RBFOX1: variants seen among roughly 807,000 people sequenced by gnomAD.
RBFOX1 encodes RNA binding protein fox-1 homolog 1.
Under a neutral mutation model 57.7 loss-of-function variants are expected in RBFOX1, and 8 were observed. That is an observed-to-expected ratio of 0.14 (90% confidence interval 0.08 to 0.25). The LOEUF is 0.25. Ranked by LOEUF, RBFOX1 falls within the 10% of genes least tolerant of loss-of-function variation. The pLI is 1.00. For missense variants in RBFOX1, 611 were observed against 548.5 expected, an observed-to-expected ratio of 1.11 and a Z score of -1.14; for synonymous variants, 326 against 222.4, an observed-to-expected ratio of 1.47 and a Z score of -4.15.
rs145823269 is a variant in RBFOX1, at chr16:5,756,889, G to A, written c.319-110414G>A. On this transcript the variant is annotated intron_variant, in intron 3 of 19. Coordinates refer to the RBFOX1 transcript ENST00000641259. Reference sequence around the variant, plus strand: ...AAACTGGGCTAAGCACGTTACATTTGTATAAAAAATATAAGGGTTCTACAA... The same window carrying A: ...AAACTGGGCTAAGCACGTTACATTTATATAAAAAATATAAGGGTTCTACAA... Among the ~76,000 whole-genome samples the A allele has an allele frequency of 7.1e-3, 1,078 of 152,232 alleles. 14 individuals are homozygous for A. Among genetic ancestry groups the A allele is most frequent in the African/African-American group, 0.025 (1,018 of 41,530 alleles).
intron 2 of RBFOX1, among the ~76,000 whole-genome samples, chr16:6,627,560 G>T (rs183705374): frequency 6.6e-6 from 1 of 152,158 alleles, no homozygotes; most frequent in Non-Finnish European, 1.5e-5. Flanking sequence ...GGAGGAAGCA[G>T]GAAGGATGAG....
intron 3 of RBFOX1, among the ~76,000 whole-genome samples, chr16:5,636,771 C>T (rs975396133): frequency 5.3e-5 from 8 of 152,174 alleles, no homozygotes; most frequent in Non-Finnish European, 1.2e-4. Context: ...GCTATTCTTG[C>T]TTGTTTTTAT....
Position 5,999,867 on chromosome 16 carries a change from CAAAAAAAAAAAAAAAAAAA to C in RBFOX1, c.351+132554_351+132572del, listed in dbSNP as rs869221577. Among the ~76,000 whole-genome samples the C allele has an allele frequency of 8.7e-4, 24 of 27,672 alleles. 2 individuals carry two copies. The East Asian group carries it at 0.018, about 21-fold the overall frequency. The allele number at this position is 27,672 out of a possible 152,430, so 18.2% of individuals were successfully genotyped here. On this transcript the variant is annotated intron_variant, in intron 4 of 19. Coordinates refer to the RBFOX1 transcript ENST00000641259. ...TGGGCGACAGAGCGAGACTCCACCT[CAAAAAAAAAAAAAAAAAAA>C]AAAAAAAAAAAAAAAAAAAAAGAGT...
intron 4 of RBFOX1, among the ~76,000 whole-genome samples, chr16:7,210,162 A>G (rs1022184380): frequency 5.9e-5 from 9 of 152,202 alleles, no homozygotes; most frequent in Admixed American, 1.3e-4. Context: ...GATGATGACA[A>G]TGATTTTATC....
intron 3 of RBFOX1, among the ~76,000 whole-genome samples, chr16:6,967,679 T>C (rs1321187853): frequency 6.6e-6 from 1 of 152,086 alleles, no homozygotes; most frequent in Admixed American, 6.6e-5. Context: ...TCTAAGGGCC[T>C]GGTTCAAGAC....
At chr16:7,697,610 T>G (rs1181466728) in intron 14 of RBFOX1, among the ~76,000 whole-genome samples, 1 of 152,140 alleles carries the variant, frequency 6.6e-6, no homozygotes, top group African/African-American at 2.4e-5. Flanking sequence ...TTATCCCCAT[T>G]TTGGAAAGTG....
At chr16:5,948,892 C>T (rs149678337) in intron 4 of RBFOX1, among the ~76,000 whole-genome samples, 2 of 152,206 alleles carry the variant, frequency 1.3e-5, no homozygotes, top group African/African-American at 2.4e-5. Flanking sequence ...ATTTTATTCA[C>T]TCACCCAACA....
intron 3 of RBFOX1, among the ~76,000 whole-genome samples, chr16:6,896,520 G>A (rs994235471): frequency 6.6e-6 from 1 of 152,122 alleles, no homozygotes; most frequent in Non-Finnish European, 1.5e-5. Context: ...AATATATGAT[G>A]TCTGTTTTTC....
At chr16:7,585,221 C>A (rs970506975) in intron 6 of RBFOX1, among the ~76,000 whole-genome samples, 6 of 152,154 alleles carry the variant, frequency 3.9e-5, no homozygotes, top group Non-Finnish European at 7.3e-5. Flanking sequence ...CTGGAGGTTT[C>A]TTTACTATGA....
At chr16:6,548,261 TC>T (rs1444826943) in intron 2 of RBFOX1, among the ~76,000 whole-genome samples, 2 of 152,190 alleles carry the variant, frequency 1.3e-5, no homozygotes, top group African/African-American at 2.4e-5. Flanking sequence ...TCAGCAACTG[TC>T]AAAAAAGCTA....
At chr16:6,517,455 G>C (rs2096402718) in intron 2 of RBFOX1, among the ~76,000 whole-genome samples, 1 of 152,154 alleles carries the variant, frequency 6.6e-6, no homozygotes, top group Non-Finnish European at 1.5e-5. Context: ...GAGAAACAGA[G>C]AATTCCCATT....
chr16:5,472,581 C>G (rs571102102), intron 2 of RBFOX1, among the ~76,000 whole-genome samples: 2 of 152,116 alleles, frequency 1.3e-5, no homozygotes, highest in African/African-American at 4.8e-5. Context: ...ATCTTCTTCT[C>G]GTCTTCCAGG....
chr16:7,685,918 G>C (rs894751237), intron 14 of RBFOX1, among the ~76,000 whole-genome samples: 1 of 152,016 alleles, frequency 6.6e-6, no homozygotes, highest in Non-Finnish European at 1.5e-5. Context: ...TAGGATTACA[G>C]ATTGAGATTT....
intron 2 of RBFOX1, among the ~76,000 whole-genome samples, chr16:6,343,300 G>A (rs1307486983): frequency 5.3e-5 from 8 of 151,986 alleles, no homozygotes; most frequent in Non-Finnish European, 1.2e-4. Context: ...CTACCCTGGT[G>A]GTATTTCATT....
chr16:7,173,692 T>C (rs1474569157), intron 4 of RBFOX1, among the ~76,000 whole-genome samples: 1 of 152,162 alleles, frequency 6.6e-6, no homozygotes, highest in Non-Finnish European at 1.5e-5. Flanking sequence ...TGGAAACACA[T>C]TTAGGATGTT....
At chr16:7,472,067 C>T (rs2061659158) in intron 4 of RBFOX1, among the ~76,000 whole-genome samples, 1 of 152,160 alleles carries the variant, frequency 6.6e-6, no homozygotes, top group Admixed American at 6.5e-5. Context: ...CTATGCCTGG[C>T]ATCTCTCCTT....
At chr16:7,160,564 G>C (rs1455370651) in intron 4 of RBFOX1, among the ~76,000 whole-genome samples, 1 of 152,072 alleles carries the variant, frequency 6.6e-6, no homozygotes, top group Admixed American at 6.6e-5. Flanking sequence ...ATTCAATGAA[G>C]ATTACCTGCA....
intron 3 of RBFOX1, among the ~76,000 whole-genome samples, chr16:6,674,672 A>T (rs947428825): frequency 2.6e-5 from 4 of 152,128 alleles, no homozygotes; most frequent in African/African-American, 7.2e-5. Context: ...ATGTAGACTC[A>T]CGGGGAAGAA....
chr16:7,461,831 G>C (rs1790194969), intron 4 of RBFOX1, among the ~76,000 whole-genome samples: 1 of 152,110 alleles, frequency 6.6e-6, no homozygotes, highest in African/African-American at 2.4e-5. Context: ...GCGACTTCTG[G>C]GATGTGAGGG....
Sources: allele counts gnomAD v4.1 joint callset (sites outside exome capture counted in the v4.1 genomes callset), GRCh38; gene constraint gnomAD v4.1.1; transcripts MANE v1.5; gene names NCBI Gene and HGNC (gene_info 2026-07-23, HGNC 2026-07-21).